The following SGCD variants were observed in gnomAD, a reference collection of about 807,000 sequenced individuals.
SGCD encodes sarcoglycan delta, also known as delta-sarcoglycan.
A neutral mutation model predicts 36.6 loss-of-function variants in SGCD; 18 were observed. The observed-to-expected ratio is 0.49, with a 90% CI of 0.34 to 0.73. The LOEUF (loss-of-function observed/expected upper bound fraction) is 0.73, where lower values mean the gene tolerates loss of function less well. SGCD is among the 30% of genes least tolerant of loss of function. The pLI, the probability that SGCD is intolerant of heterozygous loss-of-function variation, is 0.01. For missense variants in SGCD, 387 were observed against 346.7 expected (o/e 1.12, Z -0.92); for synonymous variants, 133 against 130.6 (o/e 1.02, Z -0.12).
At chr5:156,469,111 T>C (rs762542382) in intron 3 of SGCD, among the ~76,000 whole-genome samples, 4 of 152,202 alleles carry the variant, frequency 2.6e-5, no homozygotes, top group Non-Finnish European at 5.9e-5. Context: ...TTGCAAGGCA[T>C]GGGTTCTTGG....
At position 156,110,888 on chromosome 5, in the gene SGCD, T is replaced by A. The variant is rs116047391; in HGVS notation, c.-281-6990T>A. Among the ~76,000 whole-genome samples, 759 of 152,266 alleles carry A rather than the reference T, an allele frequency of 5.0e-3. 4 individuals carry two copies. Among genetic ancestry groups the A allele is most frequent in the African/African-American group, 0.018 (734 of 41,558 alleles). On this transcript the variant is annotated intron_variant, in intron 1 of 9. Transcript: ENST00000517913. The stretch of plus-strand genomic sequence containing the variant: ...GACCCTGCTTGAAAAGTGAGTTTAG[T>A]ATCCAGACTGCCAACTTATATAAAT...
chr5:156,566,665 C>G (rs994310924), intron 4 of SGCD, among the ~76,000 whole-genome samples: 1 of 151,926 alleles, frequency 6.6e-6, no homozygotes, highest in Non-Finnish European at 1.5e-5. Flanking sequence ...TAACACTATT[C>G]TAAGTGAAAA....
At position 156,059,014 on chromosome 5, in the gene SGCD, T is replaced by C. The variant is rs1026822391; in HGVS notation, c.-281-58864T>C. On this transcript the variant is annotated intron_variant, in intron 1 of 9. Transcript: ENST00000517913. ...GCCTAGAAAAAAGAGAATTATGCAC[T>C]GCAAATTGTAACAGCAGTTATAGAT... Among the ~76,000 whole-genome samples the C allele has an allele frequency of 1.4e-5, 2 of 146,376 alleles. 1 individual carries two copies. The highest frequency in any genetic ancestry group is 4.9e-5 in the African/African-American group (2 of 40,704).
intron 4 of SGCD, among the ~76,000 whole-genome samples, chr5:156,548,492 A>C (rs1173166515): frequency 2.6e-5 from 4 of 152,244 alleles, no homozygotes; most frequent in Non-Finnish European, 5.9e-5. Context: ...AAAGACCATA[A>C]TCTTGGAGGA....
chr5:156,613,651 A>C (rs1761912118), intron 6 of SGCD, among the ~76,000 whole-genome samples: 1 of 152,226 alleles, frequency 6.6e-6, no homozygotes, highest in Non-Finnish European at 1.5e-5. Flanking sequence ...GCTATACCCC[A>C]GAGCTACTGA....
chr5:156,046,726 C>T (rs538336402), intron 1 of SGCD, among the ~76,000 whole-genome samples: 31 of 152,004 alleles, frequency 2.0e-4, no homozygotes, highest in Non-Finnish European at 3.8e-4. Context: ...CTTCTTGGAC[C>T]TTCCTGTTCC....
chr5:156,184,244 T>A (rs185591012), intron 3 of SGCD, among the ~76,000 whole-genome samples: 1 of 152,212 alleles, frequency 6.6e-6, no homozygotes, highest in East Asian at 1.9e-4. Flanking sequence ...TTTCACACCA[T>A]TAGAAAGTCA....
At chr5:156,016,952 C>A (rs1220298020) in intron 1 of SGCD, among the ~76,000 whole-genome samples, 1 of 152,254 alleles carries the variant, frequency 6.6e-6, no homozygotes, top group Admixed American at 6.5e-5. Flanking sequence ...AACAAGGAAG[C>A]ATACGGAGTT....
chr5:156,609,952 T>A (rs979557127), intron 6 of SGCD, among the ~76,000 whole-genome samples: 4 of 152,206 alleles, frequency 2.6e-5, no homozygotes, highest in Non-Finnish European at 5.9e-5. Flanking sequence ...TTGTCTAATT[T>A]TTTTTCGAGG....
chr5:156,297,192 A>G (rs1766919944), intron 3 of SGCD, among the ~76,000 whole-genome samples: 1 of 152,178 alleles, frequency 6.6e-6, no homozygotes, highest in South Asian at 2.1e-4. Context: ...TAAATATACA[A>G]TAAATTGCTA....
At chr5:156,734,159 G>C (rs1362554606) in intron 7 of SGCD, among the ~76,000 whole-genome samples, 1 of 151,976 alleles carries the variant, frequency 6.6e-6, no homozygotes, top group Non-Finnish European at 1.5e-5. Context: ...CTTGTCTTAT[G>C]AAGAATTCTA....
chr5:156,588,672 G>T (rs1760592377), intron 4 of SGCD, among the ~76,000 whole-genome samples: 2 of 152,202 alleles, frequency 1.3e-5, no homozygotes, highest in South Asian at 4.1e-4. Context: ...GAAGAAAACG[G>T]AGGCAGAAGC....
chr5:155,824,045 G>A, the SGCD span, among the ~76,000 whole-genome samples: 1 of 152,176 alleles, frequency 6.6e-6, no homozygotes, highest in Admixed American at 6.5e-5. Flanking sequence ...GAAAGCCAGA[G>A]AAATGCCCTC....
At chr5:156,575,520 C>A (rs968869000) in intron 4 of SGCD, among the ~76,000 whole-genome samples, 1 of 152,182 alleles carries the variant, frequency 6.6e-6, no homozygotes, top group Admixed American at 6.5e-5. Flanking sequence ...GCTCCACACT[C>A]AGCCTCAGTC....
At chr5:156,651,750 T>G (rs1248710691) in intron 7 of SGCD, among the ~76,000 whole-genome samples, 1 of 152,124 alleles carries the variant, frequency 6.6e-6, no homozygotes, top group Admixed American at 6.6e-5. Context: ...GGAGTTTTTC[T>G]TTTTGCTTAG....
chr5:156,140,713 A>C (rs2127610178), intron 3 of SGCD, among the ~76,000 whole-genome samples: 1 of 152,340 alleles, frequency 6.6e-6, no homozygotes, highest in South Asian at 2.1e-4. Flanking sequence ...GCAGAACATA[A>C]AAATTTGGAA....
chr5:156,346,357 G>C (rs757373575), intron 3 of SGCD, among the ~76,000 whole-genome samples: 1 of 152,110 alleles, frequency 6.6e-6, no homozygotes, highest in Non-Finnish European at 1.5e-5. Flanking sequence ...GTAGGACAGT[G>C]GTACGATCAT....
At chr5:156,403,575 G>A (rs147403450) in intron 3 of SGCD, among the ~76,000 whole-genome samples, 154 of 152,248 alleles carry the variant, frequency 1.0e-3, no homozygotes, top group African/African-American at 3.2e-3. Context: ...TTTGCCGGAC[G>A]TTCACTAGGC....
intron 3 of SGCD, among the ~76,000 whole-genome samples, chr5:156,140,416 C>T (rs921870582): frequency 2.6e-5 from 4 of 152,098 alleles, no homozygotes; most frequent in African/African-American, 4.8e-5. Context: ...AATGTGGATG[C>T]TGAAAGACCA....
Sources: allele counts gnomAD v4.1 joint callset (sites outside exome capture counted in the v4.1 genomes callset), GRCh38; gene constraint gnomAD v4.1.1; transcripts MANE v1.5; gene names NCBI Gene and HGNC (gene_info 2026-07-23, HGNC 2026-07-21).